SDK1: variants seen among roughly 807,000 people sequenced by gnomAD.
SDK1 encodes the protein protein sidekick-1.
In SDK1, 157 loss-of-function variants were observed where a neutral mutation model predicts 245.5. The observed-to-expected ratio is 0.64, with a 90% CI of 0.56 to 0.73. SDK1 has a LOEUF of 0.73. Ranked by LOEUF, SDK1 falls within the 30% of genes least tolerant of loss-of-function variation. SDK1 has a pLI of 0.00. For synonymous variants in SDK1, 1,647 were observed against 1,278.5 expected (o/e 1.29, Z -6.15); for missense variants, 3,583 against 3,002.3 (o/e 1.19, Z -4.52).
chr7:3,808,242 G>A (rs909490416), intron 4 of SDK1, among the ~76,000 whole-genome samples: 3 of 152,192 alleles, frequency 2.0e-5, no homozygotes, highest in Admixed American at 2.0e-4. Context: ...CAGAAGCTTT[G>A]TAGAGAAGAA....
intron 1 of SDK1, among the ~76,000 whole-genome samples, chr7:3,582,933 C>T (rs1696440228): frequency 6.6e-6 from 1 of 152,076 alleles, no homozygotes; most frequent in East Asian, 1.9e-4. Flanking sequence ...AAAAGGGGGG[C>T]AGATAACCAA....
At chr7:4,161,978 C>A in intron 32 of SDK1, 122 bp downstream of exon 32, 1 of 782,416 alleles carries the variant, frequency 1.3e-6, no homozygotes, top group Non-Finnish European at 2.2e-6. Context: ...AGAGTAGAAC[C>A]AAGGAGACAC....
intron 28 of SDK1, among the ~76,000 whole-genome samples, chr7:4,143,317 G>T (rs1203598236): frequency 6.6e-6 from 1 of 152,198 alleles, no homozygotes; most frequent in Non-Finnish European, 1.5e-5. Context: ...GTGAGGAACT[G>T]CTAGGGAAGG....
chr7:3,510,109 G>A (rs1221894090), intron 1 of SDK1, among the ~76,000 whole-genome samples: 1 of 152,114 alleles, frequency 6.6e-6, no homozygotes. Flanking sequence ...CCTAAGCGTC[G>A]ACCTTATCAA....
intron 4 of SDK1, among the ~76,000 whole-genome samples, chr7:3,735,150 T>TA (rs376972840): frequency 0.07 from 10,464 of 148,782 alleles, 414 homozygotes; most frequent in Middle Eastern, 0.12. Flanking sequence ...CTTCTCAACT[T>TA]AAAAAAAAAA....
intron 4 of SDK1, among the ~76,000 whole-genome samples, chr7:3,742,809 G>C (rs999754955): frequency 4.6e-5 from 7 of 152,124 alleles, no homozygotes; most frequent in Non-Finnish European, 5.9e-5. Context: ...TTTCCTACAA[G>C]GTCAGTGTCC....
intron 1 of SDK1, among the ~76,000 whole-genome samples, chr7:3,348,479 G>T (rs547807625): frequency 6.1e-4 from 86 of 140,782 alleles, no homozygotes; most frequent in Admixed American, 4.0e-3. Context: ...ACATGTTCTC[G>T]TAAGGGAGAA....
intron 40 of SDK1, among the ~76,000 whole-genome samples, chr7:4,228,113 G>A (rs1485116731): frequency 6.6e-6 from 1 of 152,234 alleles, no homozygotes; most frequent in East Asian, 1.9e-4. Flanking sequence ...AGCTGAACTG[G>A]CTCTTGCTTT....
At chr7:3,461,553 C>G (rs1318623814) in intron 1 of SDK1, among the ~76,000 whole-genome samples, 2 of 152,166 alleles carry the variant, frequency 1.3e-5, no homozygotes. Context: ...GGGCCGAATT[C>G]AAGTATAAAA....
intron 19 of SDK1, among the ~76,000 whole-genome samples, chr7:4,061,559 T>G (rs1234915315): frequency 6.6e-6 from 1 of 152,132 alleles, no homozygotes; most frequent in Non-Finnish European, 1.5e-5. Context: ...TCAACCATTG[T>G]GGAAGTCAGT....
chr7:4,007,995 T>C (rs965544240), intron 14 of SDK1, among the ~76,000 whole-genome samples: 1 of 152,204 alleles, frequency 6.6e-6, no homozygotes, highest in Non-Finnish European at 1.5e-5. Flanking sequence ...TCTGCCACCG[T>C]CACCACCATC....
At chr7:3,725,431 T>G (rs1348128344) in intron 4 of SDK1, among the ~76,000 whole-genome samples, 1 of 152,098 alleles carries the variant, frequency 6.6e-6, no homozygotes, top group Non-Finnish European at 1.5e-5. Context: ...CAGAACATTG[T>G]GTAGGTTTGA....
intron 1 of SDK1, among the ~76,000 whole-genome samples, chr7:3,412,397 C>T (rs369321297): frequency 2.8e-4 from 43 of 152,270 alleles, no homozygotes; most frequent in African/African-American, 1.0e-3. Flanking sequence ...CAACATGTTT[C>T]TTGGAGCTGA....
At chr7:3,593,697 C>A (rs1472134658) in intron 1 of SDK1, among the ~76,000 whole-genome samples, 2 of 152,148 alleles carry the variant, frequency 1.3e-5, no homozygotes, top group Admixed American at 1.3e-4. Flanking sequence ...CCCTTCCCTT[C>A]CTCCTGCTCA....
intron 22 of SDK1, among the ~76,000 whole-genome samples, chr7:4,099,215 G>A (rs760033466): frequency 9.2e-5 from 14 of 151,754 alleles, no homozygotes; most frequent in East Asian, 2.0e-4. Context: ...AGCACCTGTC[G>A]TTTTAAAGTA....
At chr7:3,492,855 ATT>A (rs1781905626) in intron 1 of SDK1, among the ~76,000 whole-genome samples, 1 of 152,266 alleles carries the variant, frequency 6.6e-6, no homozygotes, top group South Asian at 2.1e-4. Flanking sequence ...AATGACTAAA[ATT>A]TTGATAAAGA....
chr7:3,481,349 C>T (rs997486605), intron 1 of SDK1, among the ~76,000 whole-genome samples: 7 of 152,168 alleles, frequency 4.6e-5, no homozygotes, highest in Non-Finnish European at 8.8e-5. Context: ...GCATATCATC[C>T]TGGTACAGTT....
chr7:3,501,653 C>G (rs569645590), intron 1 of SDK1, among the ~76,000 whole-genome samples: 1 of 152,248 alleles, frequency 6.6e-6, no homozygotes, highest in Non-Finnish European at 1.5e-5. Flanking sequence ...ACTGTGTGTA[C>G]TTTTCCAGTT....
chr7:3,620,910 G>T (rs1203441003), intron 2 of SDK1, among the ~76,000 whole-genome samples: 1 of 152,114 alleles, frequency 6.6e-6, no homozygotes, highest in African/African-American at 2.4e-5. Flanking sequence ...TACACTCGAG[G>T]AAAAGTTTAT....
Sources: gnomAD v4.1 joint callset for allele counts (sites outside exome capture counted in the v4.1 genomes callset) on GRCh38, gnomAD v4.1.1 for gene constraint, MANE v1.5 for transcripts, NCBI Gene and HGNC (gene_info 2026-07-23, HGNC 2026-07-21) for gene names.